The following CARS2 variants were observed in gnomAD, a reference collection of about 807,000 sequenced individuals.
The protein encoded by CARS2 is probable cysteine--tRNA ligase, mitochondrial.
Under a neutral mutation model 68.8 loss-of-function variants are expected in CARS2, and 52 were observed. The observed-to-expected ratio is 0.76, with a 90% CI of 0.61 to 0.95. CARS2 has a LOEUF of 0.95. CARS2 is among the 40% of genes least tolerant of loss of function. The pLI, the probability that CARS2 is intolerant of heterozygous loss-of-function variation, is 0.00. For missense variants in CARS2, 780 were observed against 754.2 expected, an observed-to-expected ratio of 1.03 and a Z score of -0.40; for synonymous variants, 314 against 303.6, an observed-to-expected ratio of 1.03 and a Z score of -0.36.
At chr13:110,642,176 C>T (rs1566631431) in intron 14 of CARS2, 139 bp downstream of exon 14, 5 of 697,382 alleles carry the variant, frequency 7.2e-6, no homozygotes, top group Non-Finnish European at 9.7e-6. Flanking sequence ...CATTGCACTC[C>T]AGCCTGGGTG....
At position 110,667,380 on chromosome 13, in the gene CARS2, A is replaced by G. The variant is rs770118886; in HGVS notation, c.879T>C (p.Phe293=). The change falls in exon 8 of 15, where the codon TTT becomes TTC. Residue 293 remains phenylalanine, a synonymous_variant. Transcript: ENST00000257347. ...AATTTCCCCACTGCTCGCACTGATG[A>G]AAGACTTCGCACTGTGCAATTTCGT... The part of the protein sequence containing the change: ...HENEIAQCEV[F]HQCEQWGNYF... 1 of 1,613,616 alleles carries G rather than the reference A, an allele frequency of 6.2e-7. No individual in the cohort carries two copies. Among genetic ancestry groups the G allele is most frequent in the Admixed American group, 1.7e-5 (1 of 59,964 alleles).
chr13:110,710,608 A>C (rs2064018796), upstream of CARS2, among the ~76,000 whole-genome samples: 1 of 152,252 alleles, frequency 6.6e-6, no homozygotes. Context: ...GTATCTTCAA[A>C]ATTAAGCACC....
chr13:110,696,033 G>A (rs1281327204), intron 3 of CARS2, among the ~76,000 whole-genome samples: 1 of 152,086 alleles, frequency 6.6e-6, no homozygotes, highest in Non-Finnish European at 1.5e-5. Flanking sequence ...TGCGGTGTTC[G>A]GTTTTCTGTT....
chr13:110,713,334 G>C (rs977231807), exon 1 of CARS2: 25 of 1,123,276 alleles, frequency 2.2e-5, no homozygotes, highest in African/African-American at 3.2e-5. Context: ...CCCGCGGCCC[G>C]TTAGGTCCTG....
At chr13:110,641,705 C>T (rs986552647) in intron 14 of CARS2, 97 bp from the exon 15 acceptor site, 35 of 974,660 alleles carry the variant, frequency 3.6e-5, no homozygotes, top group Admixed American at 1.0e-4. Context: ...CCTGTTCCCT[C>T]ACCGGCCTGT....
intron 5 of CARS2, among the ~76,000 whole-genome samples, chr13:110,686,210 T>C (rs975100573): frequency 2.7e-5 from 4 of 150,894 alleles, no homozygotes; most frequent in African/African-American, 7.3e-5. Context: ...TGAAGTGTCA[T>C]GGCTGATGCG....
At chr13:110,688,567 C>T (rs1395912338) in intron 3 of CARS2, among the ~76,000 whole-genome samples, 3 of 152,088 alleles carry the variant, frequency 2.0e-5, no homozygotes, top group Non-Finnish European at 4.4e-5. Flanking sequence ...AACTAGGTTC[C>T]TATCTTATCC....
At chr13:110,695,519 T>C (rs1456384275) in intron 3 of CARS2, among the ~76,000 whole-genome samples, 3 of 151,912 alleles carry the variant, frequency 2.0e-5, no homozygotes, top group Non-Finnish European at 4.4e-5. Context: ...ATTCAGAAGA[T>C]AGACAGCAAG....
At chr13:110,644,347 A>C (rs1463579740) in intron 13 of CARS2, 38 bp downstream of exon 13, 5 of 1,582,012 alleles carry the variant, frequency 3.2e-6, no homozygotes, top group Non-Finnish European at 3.5e-6. Context: ...AACATGGAGA[A>C]AATTCCAGAA....
chr13:110,675,320 A>C (rs2062914925), intron 7 of CARS2, among the ~76,000 whole-genome samples: 1 of 152,256 alleles, frequency 6.6e-6, no homozygotes, highest in Admixed American at 6.5e-5. Flanking sequence ...AATGTCCACC[A>C]ATGATAGACT....
chr13:110,700,913 G>A (rs1384620198), intron 3 of CARS2, among the ~76,000 whole-genome samples: 1 of 152,206 alleles, frequency 6.6e-6, no homozygotes, highest in Non-Finnish European at 1.5e-5. Flanking sequence ...AGCCTTCAGC[G>A]ATCACAATAC....
chr13:110,646,421 C>T lies in CARS2; in HGVS notation c.1194-331G>A, dbSNP rs745635614. 4.2e-5 allele frequency: 8 copies of T among 190,704 alleles called. 1 individual carries two copies. Among genetic ancestry groups the T allele is most frequent in the Non-Finnish European group, 3.2e-5 (3 of 93,730 alleles). The allele number at this position is 190,704 out of a possible 1,614,324, so 11.8% of individuals were successfully genotyped here. A position where few individuals can be genotyped will look rare whatever the true frequency, so the allele number is the denominator to read the frequency against. On this transcript the variant is annotated intron_variant, in intron 11 of 14. Transcript: ENST00000257347. ...AAGACTCGGTGGGGGAGAGACGGCA[C>T]GGCTGACCACTCACAAAGAGAGGCT...
chr13:110,679,503 C>G (rs2063073952), intron 6 of CARS2, among the ~76,000 whole-genome samples: 1 of 147,396 alleles, frequency 6.8e-6, no homozygotes, highest in Non-Finnish European at 1.5e-5. Flanking sequence ...GCACTCCAGC[C>G]TGAACAACAA....
chr13:110,649,505 A>G (rs2062143604), intron 10 of CARS2, among the ~76,000 whole-genome samples: 1 of 152,228 alleles, frequency 6.6e-6, no homozygotes, highest in East Asian at 1.9e-4. Flanking sequence ...AAACCCACCA[A>G]AGCTTTGTGT....
chr13:110,673,156 A>T (rs191702580), intron 7 of CARS2, among the ~76,000 whole-genome samples: 19 of 152,366 alleles, frequency 1.2e-4, no homozygotes, highest in African/African-American at 4.6e-4. Flanking sequence ...AGCTGGTACC[A>T]TTCCTTCTGA....
intron 9 of CARS2, among the ~76,000 whole-genome samples, chr13:110,656,885 A>G (rs912084958): frequency 1.7e-5 from 2 of 120,284 alleles, no homozygotes; most frequent in Non-Finnish European, 3.3e-5. Context: ...CTCTGTCTCA[A>G]AAAGAAAAAA....
At chr13:110,641,810 G>A (rs1452876380) in intron 14 of CARS2, among the ~76,000 whole-genome samples, 1 of 152,252 alleles carries the variant, frequency 6.6e-6, no homozygotes, top group African/African-American at 2.4e-5. Context: ...CGGGGGCTGA[G>A]CAGGACCCAC....
Position 110,683,040 on chromosome 13 carries a change from G to A in CARS2, c.655+11C>T, listed in dbSNP as rs377106649. The A allele has an allele frequency of 1.3e-5, 20 of 1,593,990 alleles. No homozygotes were observed. Among genetic ancestry groups the A allele is most frequent in the African/African-American group, 4.1e-5 (3 of 73,506 alleles). On this transcript the variant is annotated intron_variant, in intron 6 of 14. Transcript: ENST00000257347. ...GTCAGGGACCCACAGGGCTGAGCCCGGCCAACCCACCTGGCTCTCCGACTG... is the reference window on the plus strand; with the variant it reads ...GTCAGGGACCCACAGGGCTGAGCCCAGCCAACCCACCTGGCTCTCCGACTG...
At chr13:110,706,168 A>G (rs927745124), upstream of CARS2, 46 of 1,085,898 alleles carry the variant, frequency 4.2e-5, no homozygotes, top group African/African-American at 6.9e-4. Context: ...CAAGAGCAGC[A>G]CGGCCCCGCC....
Sources: allele counts gnomAD v4.1 joint callset (sites outside exome capture counted in the v4.1 genomes callset), GRCh38; gene constraint gnomAD v4.1.1; transcripts MANE v1.5; gene names NCBI Gene and HGNC (gene_info 2026-07-23, HGNC 2026-07-21).